Variants in LIMD1 observed in about 807,000 individuals in gnomAD.
The protein encoded by LIMD1 is LIM domain-containing protein 1.
LIMD1 carries 23 observed loss-of-function variants against 58.4 expected under a neutral mutation model. That is an observed-to-expected ratio of 0.39 (90% CI 0.28 to 0.56). The LOEUF (loss-of-function observed/expected upper bound fraction) is 0.56. Among genes scored for constraint, LIMD1 ranks in the 20% least tolerant of loss-of-function variants. The pLI is 0.57. For missense variants in LIMD1, 838 were observed against 855.5 expected (o/e 0.98, Z 0.25); for synonymous variants, 334 against 345.5 (o/e 0.97, Z 0.37).
rs577954203 is a variant in LIMD1 at position 45,684,822 on chromosome 3, T to G, written c.*7763T>G. ...AAATCTTCCATATTGGATGCACCTGTCTTCCAGGTGCAGCTGCCGGCATTT... is the reference window on the plus strand; with the variant it reads ...AAATCTTCCATATTGGATGCACCTGGCTTCCAGGTGCAGCTGCCGGCATTT... On this transcript the variant is annotated 3_prime_UTR_variant, in exon 8 of 8. Coordinates refer to ENST00000273317, the MANE Select transcript of LIMD1 (RefSeq NM_014240.3). 13 of 152,334 alleles carry G rather than the reference T, an allele frequency of 8.5e-5. No individual in the cohort carries two copies. The highest frequency in any genetic ancestry group is 3.1e-4 in the African/African-American group (13 of 41,576). The allele number at this position is 152,334 out of a possible 1,614,324, so 9.4% of individuals were successfully genotyped here. A position where few individuals can be genotyped will look rare whatever the true frequency, so the allele number is the denominator to read the frequency against.
chr3:45,674,802 C>A (rs1043440035), intron 7 of LIMD1, among the ~76,000 whole-genome samples: 1 of 152,134 alleles, frequency 6.6e-6, no homozygotes, highest in South Asian at 2.1e-4. Flanking sequence ...CCTGAAGCTC[C>A]TTTCTCAGCT....
chr3:45,626,233 G>A (rs759761490), intron 1 of LIMD1, among the ~76,000 whole-genome samples: 2 of 152,192 alleles, frequency 1.3e-5, no homozygotes, highest in Non-Finnish European at 2.9e-5. Flanking sequence ...AGCAGTCACC[G>A]TCCTTGGTAT....
At chr3:45,665,601 A>C (rs369230777) in intron 2 of LIMD1, 49 bp from the exon 3 acceptor site, 1 of 1,458,614 alleles carries the variant, frequency 6.9e-7, no homozygotes, top group African/African-American at 1.4e-5. Context: ...TTTCCACTGC[A>C]TATTAAAATT....
chr3:45,595,984 G>T lies in LIMD1; in HGVS notation c.1105G>T (p.Gly369Trp). 1 of 1,614,204 alleles carries T rather than the reference G, an allele frequency of 6.2e-7. No individual in the cohort carries two copies. Among genetic ancestry groups the T allele is most frequent in the Non-Finnish European group, 8.5e-7 (1 of 1,180,038 alleles). ...GSQQGAVPGL[G>W]PKPGCTDLGT... Reference sequence around the variant, plus strand: ...ACAGCAGGGTGCGGTCCCTGGGCTGGGGCCGAAGCCTGGCTGCACAGACCT... The same window carrying T: ...ACAGCAGGGTGCGGTCCCTGGGCTGTGGCCGAAGCCTGGCTGCACAGACCT... The change falls in exon 1 of 8, where the codon GGG becomes TGG. Residue 369 changes from glycine to tryptophan, a missense_variant. By Grantham distance (184) the Gly-to-Trp change is radical. This residue lies in a region of LIMD1 where 659 missense variants were observed against 639.8 expected (regional missense o/e 1.03). Transcript: ENST00000273317.
chr3:45,663,971 G>A lies in LIMD1; in HGVS notation c.1511-1679G>A, dbSNP rs1036503603. On this transcript the variant is annotated intron_variant, in intron 2 of 7. Transcript: ENST00000273317. ...CTGCAACCTCCGCCTCCTAGGTGCA[G>A]GCGATTCTCCTGCCTCAGTCTCCCA... Among the ~76,000 whole-genome samples, 14 of 150,944 alleles carry A rather than the reference G, an allele frequency of 9.3e-5. 1 individual carries two copies. Among genetic ancestry groups the A allele is most frequent in the Non-Finnish European group, 4.4e-5 (3 of 67,836 alleles).
chr3:45,636,943 G>C (rs1701795409), intron 2 of LIMD1, among the ~76,000 whole-genome samples: 1 of 152,208 alleles, frequency 6.6e-6, no homozygotes. Context: ...CTTGTTTTCT[G>C]TCTCTATCAA....
intron 2 of LIMD1, among the ~76,000 whole-genome samples, chr3:45,638,765 A>G (rs1701813267): frequency 6.6e-6 from 1 of 151,794 alleles, no homozygotes; most frequent in South Asian, 2.1e-4. Flanking sequence ...ACTCCCACCA[A>G]CTGTGTATAA....
rs942556971 is a variant in LIMD1, at chr3:45,610,469, C to T, written c.1408+14182C>T. ...GAAAGGGTTGGGATACATGCTTTAT[C>T]TGGATAGAAACTTATAGAGTTCCAG... On this transcript the variant is annotated intron_variant, in intron 1 of 7. Coordinates refer to ENST00000273317, the MANE Select transcript of LIMD1 (RefSeq NM_014240.3). Among the ~76,000 whole-genome samples, 3 of 152,190 alleles carry T rather than the reference C, an allele frequency of 2.0e-5. No individual in the cohort carries two copies. In the South Asian group the frequency reaches 6.2e-4, roughly 32 times the overall value.
intron 2 of LIMD1, among the ~76,000 whole-genome samples, chr3:45,656,913 A>G (rs1229615898): frequency 6.6e-6 from 1 of 152,148 alleles, no homozygotes; most frequent in East Asian, 1.9e-4. Context: ...CTTGGGGTAA[A>G]TTGTGCTGCT....
At chr3:45,615,231 G>A (rs267228) in intron 1 of LIMD1, among the ~76,000 whole-genome samples, 27,939 of 152,092 alleles carry the variant, frequency 0.18, 2,767 homozygotes, top group Non-Finnish European at 0.23. Flanking sequence ...TATGTGGGGA[G>A]GCTAAAGGAA....
intron 2 of LIMD1, among the ~76,000 whole-genome samples, chr3:45,640,520 C>T (rs933493365): frequency 5.9e-5 from 9 of 152,092 alleles, no homozygotes; most frequent in East Asian, 1.9e-4. Context: ...CTCTGCCTCC[C>T]GGGTTCAAGC....
intron 1 of LIMD1, among the ~76,000 whole-genome samples, chr3:45,629,179 C>T (rs919075009): frequency 1.3e-5 from 2 of 151,888 alleles, no homozygotes; most frequent in East Asian, 1.9e-4. Context: ...TTTGGGAGGC[C>T]GAGGCGGGCA....
At chr3:45,627,519 G>A (rs1306885913) in intron 1 of LIMD1, among the ~76,000 whole-genome samples, 1 of 152,116 alleles carries the variant, frequency 6.6e-6, no homozygotes, top group African/African-American at 2.4e-5. Context: ...GGCTAGATGT[G>A]GTGGCTCACA....
chr3:45,614,834 T>C (rs1239794644), intron 1 of LIMD1, among the ~76,000 whole-genome samples: 1 of 150,536 alleles, frequency 6.6e-6, no homozygotes, highest in Non-Finnish European at 1.5e-5. Context: ...TCAGAAAGTA[T>C]AGAAAAAAAT....
chr3:45,601,152 A>G (rs1466963075), intron 1 of LIMD1, among the ~76,000 whole-genome samples: 1 of 152,220 alleles, frequency 6.6e-6, no homozygotes, highest in Non-Finnish European at 1.5e-5. Context: ...AGAGTTGACC[A>G]TACAAGGGCT....
chr3:45,677,033 A>G lies in LIMD1; in HGVS notation c.2005A>G (p.Thr669Ala), dbSNP rs1697681103. 3 of 1,613,854 alleles carry G rather than the reference A, an allele frequency of 1.9e-6. No individual in the cohort carries two copies. The highest frequency in any genetic ancestry group is 1.3e-5 in the African/African-American group (1 of 74,930). The change falls in exon 8 of 8, where the codon ACA becomes GCA. Residue 669 changes from threonine (T) to alanine (A), a missense_variant. By Grantham distance (58) the Thr-to-Ala change is moderately conservative. Coordinates refer to ENST00000273317, the MANE Select transcript of LIMD1 (RefSeq NM_014240.3). ...VKRLEKRPSSTALHQHHF is the reference protein window; with the variant it reads ...VKRLEKRPSSAALHQHHF ...GAGGCTGGAGAAGAGACCCTCATCT[A>G]CAGCCCTTCACCAGCACCACTTCTA...
chr3:45,666,788 A>G (rs1697526270), intron 3 of LIMD1, among the ~76,000 whole-genome samples: 1 of 152,158 alleles, frequency 6.6e-6, no homozygotes, highest in Non-Finnish European at 1.5e-5. Flanking sequence ...TTCTAACAAG[A>G]TGCCATGCAG....
chr3:45,594,845 G>A lies in LIMD1; in HGVS notation c.-35G>A, dbSNP rs755290134. On this transcript the variant is annotated 5_prime_UTR_variant, in exon 1 of 8. Transcript: ENST00000273317. ...CACACACACACACACACACACACAC[G>A]GCACCTGGGCTAGGCCCGGACACCT... is the stretch of plus-strand genomic sequence containing the variant. The A allele has an allele frequency of 5.6e-4, 547 of 968,356 alleles. 8 individuals are homozygous for A. In the African/African-American group the frequency reaches 5.9e-3, roughly 10 times the overall value. The allele number at this position is 968,356 out of a possible 1,614,324, so 60.0% of individuals were successfully genotyped here.
intron 4 of LIMD1, among the ~76,000 whole-genome samples, chr3:45,671,200 G>A (rs1412364788): frequency 3.3e-5 from 5 of 152,260 alleles, no homozygotes; most frequent in Non-Finnish European, 5.9e-5. Context: ...AAGAGGGAAT[G>A]AGGAAGCTTG....
Sources: allele counts gnomAD v4.1 joint callset (sites outside exome capture counted in the v4.1 genomes callset), GRCh38; gene constraint gnomAD v4.1.1; regional missense constraint gnomAD v4.1.1; transcripts MANE v1.5; gene names NCBI Gene and HGNC (gene_info 2026-07-23, HGNC 2026-07-21).